MAP3K14: variants seen among roughly 807,000 people sequenced by gnomAD.
The protein encoded by MAP3K14 is NF-kappa-beta-inducing kinase.
A neutral mutation model predicts 99.2 loss-of-function variants in MAP3K14; 16 were observed. That is an observed-to-expected ratio of 0.16 (90% confidence interval 0.11 to 0.24). The LOEUF is 0.24. Among genes scored for constraint, MAP3K14 ranks in the 10% least tolerant of loss-of-function variants. MAP3K14 has a pLI of 1.00. For missense variants in MAP3K14, 784 were observed against 1,208.7 expected (o/e 0.65, Z 5.21); for synonymous variants, 462 against 492.4 (o/e 0.94, Z 0.82).
intron 1 of MAP3K14, among the ~76,000 whole-genome samples, chr17:45,302,068 AGAT>A (rs2044392711): frequency 6.6e-6 from 1 of 151,598 alleles, no homozygotes; most frequent in Non-Finnish European, 1.5e-5. Context: ...TGAGCTCATG[AGAT>A]TCACCTGCTT....
intron 1 of MAP3K14, among the ~76,000 whole-genome samples, chr17:45,297,716 CTTTT>C (rs34809589): frequency 2.7e-5 from 3 of 110,930 alleles, no homozygotes; most frequent in Middle Eastern, 4.5e-3. Context: ...TGGTTTAAAT[CTTTT>C]TTTTTTTTTT....
In MAP3K14 at chr17:45,266,628, G is replaced by A. The variant is rs1299254257; in HGVS notation, c.2487C>T (p.His829=). 1.2e-6 allele frequency: 2 copies of A among 1,613,748 alleles called. No homozygotes were observed. Among genetic ancestry groups the A allele is most frequent in the Non-Finnish European group, 1.7e-6 (2 of 1,179,770 alleles). The change falls in exon 14 of 16, where the codon CAC becomes CAT. Residue 829 remains histidine (H), a synonymous_variant. Transcript: ENST00000344686. ...SSRDTLSSGV[H]SWSSQAEARS... is the part of the protein sequence containing the mutation. ...GAGCCTCGGCCTGGCTGCTCCAGGAGTGTACGCCTGAGCTCAGGGTGTCCC... is the reference window on the plus strand; with the variant it reads ...GAGCCTCGGCCTGGCTGCTCCAGGAATGTACGCCTGAGCTCAGGGTGTCCC...
rs773403567 is a variant in MAP3K14 at position 45,267,466 on chromosome 17, G to A, written c.2266C>T (p.Pro756Ser). ...GTTGCTTTCCGCTCTGGTGAGCTGG[G>A]GTTTCTGGCAGGGGCTGGCTCCAGG... Reference protein sequence around the residue: ...SSLEPAPARNPSSPERKATVP... With the variant: ...SSLEPAPARNSSSPERKATVP... Residue 756 changes from proline to serine, a missense_variant, in exon 12 of 16, where the codon CCC (proline) becomes TCC (serine). This residue lies in a region of MAP3K14 where 128 missense variants were observed against 143.3 expected (regional missense o/e 0.89). Transcript: ENST00000344686. The surrounding 1 kb of genome is among the most constrained non-coding windows in gnomAD (Gnocchi z 5.1). The A allele has an allele frequency of 5.0e-6, 8 of 1,611,472 alleles. No individual in the cohort carries two copies. The highest frequency in any genetic ancestry group is 6.8e-6 in the Non-Finnish European group (8 of 1,178,828).
In MAP3K14 at chr17:45,315,541, T is replaced by C. The variant is rs762577118; in HGVS notation, c.-21+1419A>G. ...CTGGCATCGCTCCAAAGAAACTGAT[T>C]GATATCACTTAAAAAACACCAAGAG... On this transcript the variant is annotated intron_variant, in intron 1 of 15. Coordinates refer to ENST00000344686, the MANE Select transcript of MAP3K14 (RefSeq NM_003954.5). Among the ~76,000 whole-genome samples the C allele has an allele frequency of 1.3e-4, 20 of 152,180 alleles. 1 individual carries two copies. Among genetic ancestry groups the C allele is most frequent in the Non-Finnish European group, 2.2e-4 (15 of 68,022 alleles).
At chr17:45,269,632 A>G (rs189215484) in intron 11 of MAP3K14, among the ~76,000 whole-genome samples, 280 of 152,216 alleles carry the variant, frequency 1.8e-3, no homozygotes, top group African/African-American at 6.3e-3. Context: ...ATGGCCAGTG[A>G]TTTATTCAAT....
In MAP3K14 at chr17:45,266,992, A is replaced by G. The variant is rs2044091539; in HGVS notation, c.2433+100T>C. 11 of 897,722 alleles carry G rather than the reference A, an allele frequency of 1.2e-5. No homozygotes were observed. The South Asian group carries it at 1.6e-4, about 13-fold the overall frequency. 55.6% of individuals were successfully genotyped at this position (897,722 alleles called of 1,614,324 possible). On this transcript the variant is annotated intron_variant, in intron 13 of 15. Transcript: ENST00000344686. ...CCCTCCCTTTACCCACTACTTGCAC[A>G]GTGTCCATTCACTAGCTGGACGCAA...
intron 3 of MAP3K14, among the ~76,000 whole-genome samples, chr17:45,287,602 T>C (rs951116943): frequency 3.9e-5 from 6 of 152,234 alleles, no homozygotes; most frequent in Admixed American, 3.3e-4. Context: ...AATAATTTAG[T>C]TCATTTAAAA....
At chr17:45,315,289 C>A (rs892132404) in intron 1 of MAP3K14, among the ~76,000 whole-genome samples, 3 of 152,064 alleles carry the variant, frequency 2.0e-5, no homozygotes, top group South Asian at 2.1e-4. Flanking sequence ...TGACAAAAAA[C>A]CCCCTTCAGA....
rs1567993867 is a variant in MAP3K14 at position 45,284,795 on chromosome 17, C to A, written c.1290+17G>T. The A allele has an allele frequency of 3.8e-6, 6 of 1,584,238 alleles. No individual in the cohort carries two copies. The Admixed American group carries it at 7.1e-5, about 19-fold the overall frequency. On this transcript the variant is annotated intron_variant, in intron 6 of 15. Transcript: ENST00000344686. ...TCCTGGCTTCCCTCTTCACTCAGCCCCTGAGCCCTGGCGTACCTTTTTGAC... is the reference window on the plus strand; with the variant it reads ...TCCTGGCTTCCCTCTTCACTCAGCCACTGAGCCCTGGCGTACCTTTTTGAC...
In MAP3K14 at chr17:45,267,424, G is replaced by A. The variant is rs1191083395; in HGVS notation, c.2308C>T (p.Leu770=). Residue 770 remains leucine (L), a synonymous_variant, in exon 12 of 16, where the codon CTG becomes TTG. Transcript: ENST00000344686. This position sits in a 1 kb window ranked among gnomAD's most constrained non-coding sequence, Gnocchi z 5.1. ...ERKATVPEQE[L]QQLEIELFLN... is the part of the protein sequence containing the mutation. ...CCCGTACCTATTTCCAGCTGCTGCAGTTCCTGCTCCGGGACGGTTGCTTTC... is the reference window on the plus strand; with the variant it reads ...CCCGTACCTATTTCCAGCTGCTGCAATTCCTGCTCCGGGACGGTTGCTTTC... 4 of 1,599,234 alleles carry A rather than the reference G, an allele frequency of 2.5e-6. No individual in the cohort carries two copies. Among genetic ancestry groups the A allele is most frequent in the African/African-American group, 1.3e-5 (1 of 74,766 alleles).
At chr17:45,274,384 G>A (rs1256805171) in intron 7 of MAP3K14, 80 bp downstream of exon 7, 22 of 1,591,034 alleles carry the variant, frequency 1.4e-5, no homozygotes, top group Non-Finnish European at 1.7e-5. Flanking sequence ...ATAGATCAGT[G>A]ACCAAGGCCA....
At chr17:45,302,371 G>A (rs1486114895) in intron 1 of MAP3K14, among the ~76,000 whole-genome samples, 1 of 152,020 alleles carries the variant, frequency 6.6e-6, no homozygotes, top group African/African-American at 2.4e-5. Context: ...GCAACGGTGC[G>A]ATCTTGGCTT....
intron 14 of MAP3K14, among the ~76,000 whole-genome samples, chr17:45,266,071 A>G (rs2143764754): frequency 6.6e-6 from 1 of 152,358 alleles, no homozygotes. Context: ...TTGTTGTAGC[A>G]AAGCCACATC....
intron 2 of MAP3K14, 141 bp from the exon 3 acceptor site, chr17:45,289,446 C>T (rs1205445242): frequency 3.0e-6 from 2 of 660,176 alleles, no homozygotes; most frequent in African/African-American, 1.8e-5. Context: ...AGTCACCTCC[C>T]CACCAATGCC....
chr17:45,316,159 AC>A (rs1258238072), intron 1 of MAP3K14, among the ~76,000 whole-genome samples: 1 of 152,084 alleles, frequency 6.6e-6, no homozygotes, highest in African/African-American at 2.4e-5. Flanking sequence ...CCTCCAGTCC[AC>A]CCTTTAGGGC....
intron 1 of MAP3K14, among the ~76,000 whole-genome samples, chr17:45,298,184 T>A (rs543294460): frequency 6.6e-6 from 1 of 152,322 alleles, no homozygotes; most frequent in African/African-American, 2.4e-5. Context: ...AGTATGTATG[T>A]TGATTTAAGA....
chr17:45,274,746 G>A (rs879742234), intron 6 of MAP3K14, among the ~76,000 whole-genome samples, 153 bp from the exon 7 acceptor site: 7 of 152,208 alleles, frequency 4.6e-5, no homozygotes, highest in Non-Finnish European at 7.3e-5. Context: ...GACCCTCAGA[G>A]GCTAAATTGT....
chr17:45,267,534 C>T lies in MAP3K14; in HGVS notation c.2198G>A (p.Ser733Asn). 1 of 1,613,516 alleles carries T rather than the reference C, an allele frequency of 6.2e-7. No individual in the cohort carries two copies. The highest frequency in any genetic ancestry group is 8.5e-7 in the Non-Finnish European group (1 of 1,179,630). The change falls in exon 12 of 16, where the codon AGC becomes AAC. Residue 733 changes from serine to asparagine, a missense_variant. Coordinates refer to ENST00000344686, the MANE Select transcript of MAP3K14 (RefSeq NM_003954.5). This position sits in a 1 kb window ranked among gnomAD's most constrained non-coding sequence, Gnocchi z 5.1. ...EPNKSPPLTLSKEESGMWEPL... is the reference protein window; with the variant it reads ...EPNKSPPLTLNKEESGMWEPL... ...TTCCCACATCCCAGACTCCTCCTTG[C>T]TCAAAGTCAAGGGAGGAGACTTGTT...
intron 1 of MAP3K14, among the ~76,000 whole-genome samples, chr17:45,306,264 A>G (rs764576101): frequency 2.0e-5 from 3 of 152,136 alleles, no homozygotes; most frequent in African/African-American, 4.8e-5. Context: ...GATTTGCACA[A>G]GAGACTTTTA....
Sources: allele counts gnomAD v4.1 joint callset (sites outside exome capture counted in the v4.1 genomes callset), GRCh38; gene constraint gnomAD v4.1.1; regional missense constraint gnomAD v4.1.1; non-coding constraint Gnocchi (gnomAD v3.1); transcripts MANE v1.5; gene names NCBI Gene and HGNC (gene_info 2026-07-23, HGNC 2026-07-21).